Variants in EXOC6 observed in about 807,000 individuals in gnomAD.
EXOC6 encodes the protein SEC15-like 1.
Under a neutral mutation model 112.5 loss-of-function variants are expected in EXOC6, and 60 were observed. The ratio of observed to expected loss-of-function variants is 0.53; its 90% CI spans 0.43 to 0.66. The LOEUF is 0.66. Among genes scored for constraint, EXOC6 ranks in the 30% least tolerant of loss-of-function variants. The pLI, the probability that EXOC6 is intolerant of heterozygous loss-of-function variation, is 0.00. For synonymous variants in EXOC6, 295 were observed against 308.0 expected, an observed-to-expected ratio of 0.96 and a Z score of 0.44; for missense variants, 855 against 957.1, an observed-to-expected ratio of 0.89 and a Z score of 1.41.
At chr10:93,018,093 C>G (rs1844624852) in intron 20 of EXOC6, among the ~76,000 whole-genome samples, 1 of 151,274 alleles carries the variant, frequency 6.6e-6, no homozygotes, top group African/African-American at 2.4e-5. Context: ...ACATAACCAT[C>G]TTTGACATAA....
intron 6 of EXOC6, among the ~76,000 whole-genome samples, chr10:92,910,604 TA>T (rs559220641): frequency 4.9e-4 from 74 of 151,526 alleles, no homozygotes; most frequent in Admixed American, 2.0e-3. Context: ...AAAAAAACTA[TA>T]AAAAAAATAA....
intron 18 of EXOC6, among the ~76,000 whole-genome samples, chr10:92,993,339 C>A (rs1410851846): frequency 6.6e-6 from 1 of 152,130 alleles, no homozygotes; most frequent in Non-Finnish European, 1.5e-5. Context: ...CTCCTGGAAT[C>A]ATTAAGGATG....
intron 18 of EXOC6, among the ~76,000 whole-genome samples, chr10:92,978,359 G>A (rs970144629): frequency 6.6e-6 from 1 of 152,010 alleles, no homozygotes; most frequent in East Asian, 1.9e-4. Flanking sequence ...CCAGTGAGCC[G>A]TAATCATGCT....
At chr10:92,899,541 T>C in intron 4 of EXOC6, 58 bp from the exon 5 acceptor site, 4 of 1,184,210 alleles carry the variant, frequency 3.4e-6, no homozygotes, top group Admixed American at 2.2e-5. Flanking sequence ...ATTATTTTCA[T>C]GTCTCAAAAT....
upstream of EXOC6, among the ~76,000 whole-genome samples, chr10:92,834,063 C>T (rs1316850604): frequency 6.6e-6 from 1 of 152,080 alleles, no homozygotes; most frequent in East Asian, 1.9e-4. Flanking sequence ...ATCTAAATGC[C>T]TCCAGAAGCA....
At chr10:92,936,914 C>T (rs578138563) in intron 12 of EXOC6, among the ~76,000 whole-genome samples, 14 of 152,092 alleles carry the variant, frequency 9.2e-5, no homozygotes, top group Middle Eastern at 6.8e-3. Flanking sequence ...ATATTTGGAA[C>T]AATATCACAG....
At chr10:92,877,491 G>A (rs1023203119) in intron 1 of EXOC6, among the ~76,000 whole-genome samples, 11 of 152,138 alleles carry the variant, frequency 7.2e-5, no homozygotes, top group Non-Finnish European at 1.6e-4. Flanking sequence ...ACCAAATGCA[G>A]TGATGTATGC....
At chr10:93,023,824 A>G (rs1844893974) in intron 20 of EXOC6, among the ~76,000 whole-genome samples, 2 of 152,236 alleles carry the variant, frequency 1.3e-5, no homozygotes. Context: ...AATATGCAGT[A>G]TTCAGTGATA....
intron 13 of EXOC6, among the ~76,000 whole-genome samples, chr10:92,941,735 G>A (rs1852679044): frequency 6.6e-6 from 1 of 152,076 alleles, no homozygotes; most frequent in African/African-American, 2.4e-5. Flanking sequence ...GAATCTAAAC[G>A]AGAAAATTAC....
intron 15 of EXOC6, 85 bp downstream of exon 15, chr10:92,952,467 C>T (rs12775801): frequency 3.5e-6 from 3 of 859,832 alleles, no homozygotes; most frequent in Non-Finnish European, 5.7e-6. Context: ...CTTTTTTTTC[C>T]TCAACTTTTA....
At chr10:92,957,025 G>T (rs1413993682) in intron 17 of EXOC6, among the ~76,000 whole-genome samples, 1 of 151,784 alleles carries the variant, frequency 6.6e-6, no homozygotes. Context: ...CTCAGAGGAG[G>T]AAAAAAATAA....
At chr10:93,047,638 A>G (rs566274705) in intron 20 of EXOC6, among the ~76,000 whole-genome samples, 1 of 150,884 alleles carries the variant, frequency 6.6e-6, no homozygotes, top group African/African-American at 2.4e-5. Context: ...ATTTGTCAAT[A>G]AATCAGATGG....
chr10:92,927,049 T>C (rs1851763708), intron 8 of EXOC6, among the ~76,000 whole-genome samples: 1 of 152,234 alleles, frequency 6.6e-6, no homozygotes, highest in Non-Finnish European at 1.5e-5. Context: ...GGAAAAAGTT[T>C]CGTATAGGAT....
At chr10:92,954,583 C>A in intron 15 of EXOC6, 47 bp from the exon 16 acceptor site, 3 of 903,232 alleles carry the variant, frequency 3.3e-6, no homozygotes, top group South Asian at 1.5e-5. Context: ...GTTAACTAAC[C>A]ACATTCATTA....
At chr10:92,902,342 A>G (rs1850221191) in intron 5 of EXOC6, among the ~76,000 whole-genome samples, 1 of 151,976 alleles carries the variant, frequency 6.6e-6, no homozygotes, top group Non-Finnish European at 1.5e-5. Context: ...TAGGATATTA[A>G]TAGTTCAGTC....
upstream of EXOC6, among the ~76,000 whole-genome samples, chr10:92,847,140 A>T (rs891256016): frequency 1.3e-5 from 2 of 152,256 alleles, no homozygotes; most frequent in Non-Finnish European, 2.9e-5. Context: ...ACAGACTTCT[A>T]ACGTACAGAA....
intron 20 of EXOC6, among the ~76,000 whole-genome samples, chr10:93,016,816 CTT>C (rs34667140): frequency 4.2e-5 from 6 of 142,764 alleles, no homozygotes; most frequent in Non-Finnish European, 3.1e-5. Flanking sequence ...TGGCTATTTT[CTT>C]TTTTTTTTTT....
At chr10:93,026,225 CAT>C (rs1488898256) in intron 20 of EXOC6, among the ~76,000 whole-genome samples, 22 of 152,172 alleles carry the variant, frequency 1.4e-4, no homozygotes, top group Non-Finnish European at 7.3e-5. Flanking sequence ...TTTTGGTAAA[CAT>C]ATGCACACAT....
At chr10:92,925,933 T>G (rs773420035) in intron 8 of EXOC6, among the ~76,000 whole-genome samples, 7 of 152,156 alleles carry the variant, frequency 4.6e-5, no homozygotes, top group Non-Finnish European at 1.0e-4. Context: ...CTTTACTTTT[T>G]TTGAAGTGAA....
Sources: allele counts gnomAD v4.1 joint callset (sites outside exome capture counted in the v4.1 genomes callset), GRCh38; gene constraint gnomAD v4.1.1; transcripts MANE v1.5; gene names NCBI Gene and HGNC (gene_info 2026-07-23, HGNC 2026-07-21).